GNA12: variants seen among roughly 807,000 people sequenced by gnomAD.
The protein encoded by GNA12 is guanine nucleotide-binding protein subunit alpha-12.
In GNA12, 9 loss-of-function variants were observed where a neutral mutation model predicts 26.0. That is an observed-to-expected ratio of 0.35 (90% CI 0.21 to 0.60). The LOEUF (loss-of-function observed/expected upper bound fraction) is 0.60, where lower values mean the gene tolerates loss of function less well. Ranked by LOEUF, GNA12 falls within the 20% of genes least tolerant of loss-of-function variation. The probability of loss-of-function intolerance (pLI) is 0.78; values close to 1 mark genes in which losing one functional copy is unlikely to be tolerated. For synonymous variants in GNA12, 264 were observed against 219.6 expected (o/e 1.20, Z -1.79); for missense variants, 405 against 525.8 (o/e 0.77, Z 2.25).
intron 1 of GNA12, among the ~76,000 whole-genome samples, chr7:2,834,443 G>C (rs1778770698): frequency 6.6e-6 from 1 of 152,198 alleles, no homozygotes; most frequent in African/African-American, 2.4e-5. Flanking sequence ...TTGTGCAACT[G>C]TCTCCCCAGC....
At chr7:2,803,326 G>A (rs997961348) in intron 1 of GNA12, among the ~76,000 whole-genome samples, 2 of 152,176 alleles carry the variant, frequency 1.3e-5, no homozygotes, top group Non-Finnish European at 2.9e-5. Flanking sequence ...GTGTGAGAAA[G>A]GGGACGATCG....
At chr7:2,770,278 T>A (rs1010362387) in intron 2 of GNA12, among the ~76,000 whole-genome samples, 1 of 152,230 alleles carries the variant, frequency 6.6e-6, no homozygotes. Context: ...TAATAGGGTC[T>A]TGTTTTATTT....
At chr7:2,745,881 T>C (rs1463375793) in intron 2 of GNA12, among the ~76,000 whole-genome samples, 1 of 152,122 alleles carries the variant, frequency 6.6e-6, no homozygotes, top group Non-Finnish European at 1.5e-5. Flanking sequence ...TAGTCTCTGA[T>C]AAAACAGACT....
At chr7:2,818,584 GAAACCCCGACTCTAA>G (rs1793268454) in intron 1 of GNA12, among the ~76,000 whole-genome samples, 2 of 152,168 alleles carry the variant, frequency 1.3e-5, no homozygotes, top group South Asian at 4.1e-4. Context: ...GCAACATGGT[GAAACCCCGACTCTAA>G]TAAAAATACA....
intron 1 of GNA12, among the ~76,000 whole-genome samples, chr7:2,795,450 G>A (rs1372874545): frequency 6.6e-6 from 1 of 152,098 alleles, no homozygotes; most frequent in Admixed American, 6.5e-5. Context: ...GGGCAACAGA[G>A]CAAGACCCTG....
chr7:2,843,706 G>C (rs544735993), intron 1 of GNA12, 147 bp downstream of exon 1: 48 of 430,902 alleles, frequency 1.1e-4, no homozygotes, highest in African/African-American at 8.8e-4. Flanking sequence ...GAATGGGTCG[G>C]GGGGGAGTGG....
At position 2,730,918 on chromosome 7, in the gene GNA12, T is replaced by G. The variant is rs1789856355; in HGVS notation, c.*263A>C. Reference sequence around the variant, plus strand: ...GTAAAAGCAAAGCAAGCTGTGTGATTAGGTGTTCCGTATTCACAACATCAT... The same window carrying G: ...GTAAAAGCAAAGCAAGCTGTGTGATGAGGTGTTCCGTATTCACAACATCAT... On this transcript the variant is annotated 3_prime_UTR_variant, in exon 4 of 4. Transcript: ENST00000275364. 2.2e-6 allele frequency: 1 copy of G among 447,412 alleles called. No homozygotes were observed. Among genetic ancestry groups the G allele is most frequent in the Non-Finnish European group, 4.1e-6 (1 of 246,376 alleles). 27.7% of individuals were successfully genotyped at this position (447,412 alleles called of 1,614,324 possible). A position where few individuals can be genotyped will look rare whatever the true frequency, so the allele number is the denominator to read the frequency against.
At chr7:2,759,776 T>C (rs1396199628) in intron 2 of GNA12, among the ~76,000 whole-genome samples, 1 of 152,186 alleles carries the variant, frequency 6.6e-6, no homozygotes, top group African/African-American at 2.4e-5. Context: ...CTGAAGGCCA[T>C]GAAAAAAACT....
intron 2 of GNA12, among the ~76,000 whole-genome samples, chr7:2,754,579 CT>C (rs1232336235): frequency 6.1e-4 from 80 of 131,492 alleles, no homozygotes; most frequent in African/African-American, 2.0e-3. Flanking sequence ...CTCATCTCTA[CT>C]TTAAAAAAAA....
At chr7:2,753,796 A>C (rs1273186238) in intron 2 of GNA12, among the ~76,000 whole-genome samples, 3 of 151,792 alleles carry the variant, frequency 2.0e-5, no homozygotes, top group Admixed American at 6.6e-5. Context: ...CTGTGCCATA[A>C]GTTTTTGTTT....
intron 2 of GNA12, among the ~76,000 whole-genome samples, chr7:2,736,031 C>T (rs781778519): frequency 1.8e-4 from 27 of 152,198 alleles, no homozygotes; most frequent in South Asian, 2.1e-4. Flanking sequence ...TGATTGGGCA[C>T]GCAGCCCACG....
chr7:2,746,212 T>A (rs1400954035), intron 2 of GNA12, among the ~76,000 whole-genome samples: 1 of 152,180 alleles, frequency 6.6e-6, no homozygotes. Flanking sequence ...ATCAACAGAA[T>A]ATACATTCTT....
rs529719474 is a variant in GNA12, at chr7:2,772,416, C to T, written c.525+22512G>A. On this transcript the variant is annotated intron_variant, in intron 2 of 3. Transcript: ENST00000275364. Reference sequence around the variant, plus strand: ...TCTACTAAAAATGCAAAAAATTAGCCGGGCGTGGTGGTGGGCACCTGTAGT... The same window carrying T: ...TCTACTAAAAATGCAAAAAATTAGCTGGGCGTGGTGGTGGGCACCTGTAGT... Among the ~76,000 whole-genome samples the T allele has an allele frequency of 7.2e-5, 11 of 152,048 alleles. No homozygotes were observed. In the East Asian group the frequency reaches 1.4e-3, roughly 19 times the overall value.
intron 1 of GNA12, among the ~76,000 whole-genome samples, chr7:2,822,834 G>C (rs1051618792): frequency 1.2e-4 from 18 of 152,120 alleles, no homozygotes; most frequent in Admixed American, 3.3e-4. Flanking sequence ...AAGATTTAAA[G>C]ACAATGACTT....
intron 2 of GNA12, among the ~76,000 whole-genome samples, chr7:2,778,240 A>G (rs1792129019): frequency 6.6e-6 from 1 of 152,254 alleles, no homozygotes; most frequent in Non-Finnish European, 1.5e-5. Context: ...ACAACTTAAT[A>G]AATCAAGCAT....
At chr7:2,749,263 A>G (rs1463296888) in intron 2 of GNA12, among the ~76,000 whole-genome samples, 2 of 152,218 alleles carry the variant, frequency 1.3e-5, no homozygotes, top group Non-Finnish European at 2.9e-5. Flanking sequence ...AACCAACCCA[A>G]ATGTCCAACA....
chr7:2,835,890 A>AT, intron 1 of GNA12: 2 of 563,308 alleles, frequency 3.6e-6, no homozygotes. Flanking sequence ...TAGAAGCAGC[A>AT]AATAAAAATT....
chr7:2,761,905 G>A (rs1489673402), intron 2 of GNA12, among the ~76,000 whole-genome samples: 2 of 152,174 alleles, frequency 1.3e-5, no homozygotes, highest in Non-Finnish European at 2.9e-5. Context: ...TTTCCCATCT[G>A]TCGTATCCAC....
intron 1 of GNA12, among the ~76,000 whole-genome samples, chr7:2,834,268 T>C (rs1285604771): frequency 6.6e-6 from 1 of 152,242 alleles, no homozygotes; most frequent in Non-Finnish European, 1.5e-5. Context: ...TGTATTCTTC[T>C]CCACTTGCTG....
Sources: gnomAD v4.1 joint callset for allele counts (sites outside exome capture counted in the v4.1 genomes callset) on GRCh38, gnomAD v4.1.1 for gene constraint, MANE v1.5 for transcripts, NCBI Gene and HGNC (gene_info 2026-07-23, HGNC 2026-07-21) for gene names.